TBCK: variants seen among roughly 807,000 people sequenced by gnomAD.
TBCK encodes the protein TBC domain-containing protein kinase-like protein.
TBCK carries 99 observed loss-of-function variants against 113.4 expected under a neutral mutation model. The ratio of observed to expected loss-of-function variants is 0.87; its 90% confidence interval spans 0.74 to 1.03. TBCK has a LOEUF of 1.03. Ranked by LOEUF, TBCK falls within the 50% of genes least tolerant of loss-of-function variation. TBCK has a pLI of 0.00. For missense variants in TBCK, 1,045 were observed against 1,061.3 expected (o/e 0.98, Z 0.21); for synonymous variants, 369 against 370.8 (o/e 1.00, Z 0.05).
intron 25 of TBCK, among the ~76,000 whole-genome samples, chr4:106,051,252 T>C (rs1262825198): frequency 6.6e-6 from 1 of 151,792 alleles, no homozygotes; most frequent in Non-Finnish European, 1.5e-5. Flanking sequence ...AGCAGGAAAC[T>C]AAGAAAGTTT....
chr4:106,089,319 T>C (rs1739914621), intron 25 of TBCK, among the ~76,000 whole-genome samples: 1 of 152,220 alleles, frequency 6.6e-6, no homozygotes, highest in South Asian at 2.1e-4. Flanking sequence ...AAACCATTCA[T>C]GAGCGATCTT....
At chr4:106,316,622 C>G (rs1280043783), upstream of TBCK, 1 of 1,549,774 alleles carries the variant, frequency 6.5e-7, no homozygotes, top group Admixed American at 2.0e-5. Context: ...GGGTCACTCA[C>G]TCGGGGATCG....
intron 2 of TBCK, among the ~76,000 whole-genome samples, chr4:106,306,024 TA>T (rs1207415532): frequency 6.6e-6 from 1 of 152,114 alleles, no homozygotes; most frequent in African/African-American, 2.4e-5. Flanking sequence ...TTCACTTTCC[TA>T]ACAAACTTGT....
chr4:106,167,982 C>T (rs779349938), intron 23 of TBCK, among the ~76,000 whole-genome samples: 11 of 151,594 alleles, frequency 7.3e-5, no homozygotes, highest in African/African-American at 1.7e-4. Flanking sequence ...AGAAGCAAAA[C>T]GAATATGTCC....
At chr4:106,072,955 T>C (rs1044697618) in intron 25 of TBCK, among the ~76,000 whole-genome samples, 1 of 152,216 alleles carries the variant, frequency 6.6e-6, no homozygotes. Flanking sequence ...ATCAGGTCAC[T>C]TAAGGTCTTC....
chr4:106,201,132 TTAATA>T (rs1238107160), intron 20 of TBCK, among the ~76,000 whole-genome samples: 1 of 151,998 alleles, frequency 6.6e-6, no homozygotes, highest in African/African-American at 2.4e-5. Context: ...ATAAATATCT[TTAATA>T]TAACATATAA....
chr4:106,124,230 G>T (rs2149596493), intron 23 of TBCK, among the ~76,000 whole-genome samples: 1 of 152,314 alleles, frequency 6.6e-6, no homozygotes, highest in Non-Finnish European at 1.5e-5. Context: ...CATTTATGCA[G>T]CCAAAAAACA....
chr4:106,212,735 G>T lies in TBCK; in HGVS notation c.1860+15C>A. The T allele has an allele frequency of 6.5e-7, 1 of 1,544,796 alleles. No homozygotes were observed. Among genetic ancestry groups the T allele is most frequent in the Non-Finnish European group, 8.9e-7 (1 of 1,126,006 alleles). On this transcript the variant is annotated intron_variant, in intron 20 of 25. Coordinates refer to ENST00000394708, the MANE Select transcript of TBCK (RefSeq NM_001163435.3). ...TTTTTTAACCACATGTTCTATTAAT[G>T]CACCAAGTACTTACATCTGGAATGA...
At chr4:106,063,479 G>A (rs1736281673) in intron 25 of TBCK, among the ~76,000 whole-genome samples, 1 of 151,926 alleles carries the variant, frequency 6.6e-6, no homozygotes, top group Admixed American at 6.6e-5. Flanking sequence ...CACATATGCT[G>A]AATTGGTTTA....
chr4:106,128,231 C>T (rs986655613), intron 23 of TBCK, among the ~76,000 whole-genome samples: 7 of 152,112 alleles, frequency 4.6e-5, no homozygotes, highest in African/African-American at 1.7e-4. Flanking sequence ...AAATTCACAT[C>T]GACTCCCAAT....
chr4:106,248,921 C>G lies in TBCK; in HGVS notation c.720G>C (p.Lys240Asn). 1 of 1,605,084 alleles carries G rather than the reference C, an allele frequency of 6.2e-7. No individual in the cohort carries two copies. The highest frequency in any genetic ancestry group is 8.5e-7 in the Non-Finnish European group (1 of 1,176,930). Reference protein sequence around the residue: ...AEEHGCLDIIKELPETVIDLL... With the variant: ...AEEHGCLDIINELPETVIDLL... ...ACTAAGACCCAGATTAATGACAAAC[C>G]TTTATAATGTCCAAACAACCATGCT... The change falls in exon 8 of 26, where the codon AAG (lysine) becomes AAC (asparagine). Residue 240 changes from lysine (K) to asparagine (N), a missense_variant and splice_region_variant. Coordinates refer to ENST00000394708, the MANE Select transcript of TBCK (RefSeq NM_001163435.3).
At chr4:106,208,194 G>GGGGCAAGTCCCCAGTGTAATCCAATCTT (rs1467199158) in intron 20 of TBCK, among the ~76,000 whole-genome samples, 1 of 152,092 alleles carries the variant, frequency 6.6e-6, no homozygotes, top group South Asian at 2.1e-4. Flanking sequence ...CTAGGCAGAT[G>GGGGCAAGTCCCCAGTGTAATCCAATCTT]GGGCAAGTCC....
At chr4:106,287,280 T>C (rs1765211259) in intron 3 of TBCK, among the ~76,000 whole-genome samples, 2 of 152,352 alleles carry the variant, frequency 1.3e-5, no homozygotes, top group South Asian at 4.1e-4. Flanking sequence ...TTCTTTTTTC[T>C]ACCCCAAATA....
At chr4:106,183,529 C>T (rs572214061) in intron 22 of TBCK, among the ~76,000 whole-genome samples, 5 of 152,046 alleles carry the variant, frequency 3.3e-5, no homozygotes, top group Non-Finnish European at 7.4e-5. Flanking sequence ...TACTACAGAG[C>T]TACACTATGT....
At chr4:106,142,808 T>C (rs1244360823) in intron 23 of TBCK, among the ~76,000 whole-genome samples, 1 of 152,176 alleles carries the variant, frequency 6.6e-6, no homozygotes, top group Non-Finnish European at 1.5e-5. Flanking sequence ...TTCTATAGAC[T>C]TTCTGGTGGA....
At chr4:106,080,395 G>A (rs1021902441) in intron 25 of TBCK, among the ~76,000 whole-genome samples, 1 of 152,240 alleles carries the variant, frequency 6.6e-6, no homozygotes, top group South Asian at 2.1e-4. Flanking sequence ...GTTGATCTTT[G>A]ACAAAGTCAA....
Position 106,295,162 on chromosome 4 carries a change from T to C in TBCK, c.198A>G (p.Arg66=), listed in dbSNP as rs748075983. ...YVDISRGKHE[R]LVVVAEHCER... is the part of the protein sequence containing the mutation. ...CACAATGTTCAGCCACGACCACTAGTCGTTCTGAGAAAAACAAAGCAAACC... is the reference window on the plus strand; with the variant it reads ...CACAATGTTCAGCCACGACCACTAGCCGTTCTGAGAAAAACAAAGCAAACC... Residue 66 remains arginine (R), a synonymous_variant, in exon 3 of 26, where the codon CGA becomes CGG. Coordinates refer to ENST00000394708, the MANE Select transcript of TBCK (RefSeq NM_001163435.3). 5 of 1,610,204 alleles carry C rather than the reference T, an allele frequency of 3.1e-6. No individual in the cohort carries two copies. The highest frequency in any genetic ancestry group is 1.7e-5 in the Admixed American group (1 of 58,660).
intron 3 of TBCK, among the ~76,000 whole-genome samples, chr4:106,272,855 A>G (rs1472040426): frequency 6.6e-6 from 1 of 152,178 alleles, no homozygotes; most frequent in Non-Finnish European, 1.5e-5. Flanking sequence ...AATAGAATAT[A>G]AGCAAAGCAA....
At chr4:106,097,777 A>T (rs1741099259) in intron 24 of TBCK, among the ~76,000 whole-genome samples, 1 of 152,056 alleles carries the variant, frequency 6.6e-6, no homozygotes, top group Non-Finnish European at 1.5e-5. Flanking sequence ...TACTTTTTTC[A>T]CTTGTTGAGT....
Sources: allele counts gnomAD v4.1 joint callset (sites outside exome capture counted in the v4.1 genomes callset), GRCh38; gene constraint gnomAD v4.1.1; transcripts MANE v1.5; gene names NCBI Gene and HGNC (gene_info 2026-07-23, HGNC 2026-07-21).